The following CAMK1D variants were observed in gnomAD, a reference collection of about 807,000 sequenced individuals.
CAMK1D encodes calcium/calmodulin-dependent protein kinase type 1D.
CAMK1D carries 9 observed loss-of-function variants against 47.7 expected under a neutral mutation model. The observed-to-expected ratio is 0.19, with a 90% CI of 0.11 to 0.33. The LOEUF is 0.33. CAMK1D is among the 10% of genes least tolerant of loss of function. The pLI, the probability that CAMK1D is intolerant of heterozygous loss-of-function variation, is 1.00. For missense variants in CAMK1D, 291 were observed against 488.7 expected (o/e 0.60, Z 3.81); for synonymous variants, 184 against 184.9 (o/e 0.99, Z 0.04).
intron 1 of CAMK1D, among the ~76,000 whole-genome samples, chr10:12,434,214 T>G (rs992086687): frequency 3.3e-5 from 5 of 152,222 alleles, no homozygotes; most frequent in Non-Finnish European, 7.3e-5. Context: ...ATTAAAAAAA[T>G]AAGTCTGTTG....
chr10:12,451,564 G>A (rs1304027374), intron 1 of CAMK1D, among the ~76,000 whole-genome samples: 1 of 152,188 alleles, frequency 6.6e-6, no homozygotes, highest in East Asian at 1.9e-4. Context: ...TTTAGAGGGG[G>A]CGAGAGAAAT....
intron 5 of CAMK1D, among the ~76,000 whole-genome samples, chr10:12,787,379 A>C (rs1456327144): frequency 2.6e-5 from 4 of 152,146 alleles, no homozygotes; most frequent in Non-Finnish European, 2.9e-5. Context: ...TATGTTCCTC[A>C]TTCTAACAGA....
intron 8 of CAMK1D, 70 bp from the exon 9 acceptor site, chr10:12,824,395 C>A: frequency 7.4e-7 from 1 of 1,357,566 alleles, no homozygotes; most frequent in Non-Finnish European, 1.1e-6. Flanking sequence ...AGGTAAGACT[C>A]CCCTTTATGG....
At chr10:12,773,811 A>C (rs1480046056) in intron 5 of CAMK1D, among the ~76,000 whole-genome samples, 1 of 152,206 alleles carries the variant, frequency 6.6e-6, no homozygotes, top group Non-Finnish European at 1.5e-5. Flanking sequence ...AGGCAGGAGA[A>C]TCACTTAAAC....
chr10:12,495,090 C>T (rs12248414), intron 1 of CAMK1D, among the ~76,000 whole-genome samples: 43,009 of 152,064 alleles, frequency 0.28, 6,786 homozygotes, highest in African/African-American at 0.44. Context: ...GAAAGGTGGA[C>T]TGTGAACTTC....
In CAMK1D at chr10:12,514,999, C is replaced by T. The variant is rs556621091; in HGVS notation, c.93-38226C>T. Among the ~76,000 whole-genome samples the T allele has an allele frequency of 5.2e-3, 791 of 151,528 alleles. 4 individuals are homozygous for T. Among genetic ancestry groups the T allele is most frequent in the African/African-American group, 0.019 (764 of 41,270 alleles). ...CTGACTAGCTGGGACTACAGGTGTG[C>T]ACCACCACACCTGGCTAATTTTTTT... On this transcript the variant is annotated intron_variant, in intron 1 of 10. Transcript: ENST00000619168.
intron 1 of CAMK1D, among the ~76,000 whole-genome samples, chr10:12,538,953 A>T (rs1035511020): frequency 2.5e-4 from 38 of 151,950 alleles, no homozygotes; most frequent in African/African-American, 9.2e-4. Flanking sequence ...AGACAAGAGC[A>T]ACAGGCCTTG....
At chr10:12,680,137 G>A (rs1053793359) in intron 3 of CAMK1D, among the ~76,000 whole-genome samples, 1 of 152,240 alleles carries the variant, frequency 6.6e-6, no homozygotes, top group Non-Finnish European at 1.5e-5. Context: ...TGAGGCTAGA[G>A]GTGTAAACTT....
chr10:12,695,065 T>TCG, intron 3 of CAMK1D, among the ~76,000 whole-genome samples: 1 of 134,112 alleles, frequency 7.5e-6, no homozygotes, highest in Non-Finnish European at 1.7e-5. Flanking sequence ...GATAGATAGA[T>TCG]ACATAGGTAG....
Position 12,387,397 on chromosome 10 carries a change from T to TATTTTATATATTATATATA in CAMK1D, c.92+37487_92+37488insATTTTATATATTATATATA, listed in dbSNP as rs199871181. On this transcript the variant is annotated intron_variant, in intron 1 of 10. Coordinates refer to ENST00000619168, the MANE Select transcript of CAMK1D (RefSeq NM_153498.4). ...TATTATATATTATATATATTATATA[T>TATTTTATATATTATATATA]TTTTATATATTATATATATTTTATA... Among the ~76,000 whole-genome samples the TATTTTATATATTATATATA allele has an allele frequency of 4.4e-4, 37 of 83,738 alleles. 1 individual carries two copies. The highest frequency in any genetic ancestry group is 6.6e-4 in the East Asian group (2 of 3,052). The allele number at this position is 83,738 out of a possible 152,430, so 54.9% of individuals were successfully genotyped here.
At chr10:12,765,662 G>A (rs528231755) in intron 4 of CAMK1D, among the ~76,000 whole-genome samples, 4 of 152,278 alleles carry the variant, frequency 2.6e-5, no homozygotes, top group South Asian at 2.1e-4. Context: ...ATTGTCTCAC[G>A]CCAAGGAAAT....
chr10:12,587,375 G>A (rs534065312), intron 2 of CAMK1D, among the ~76,000 whole-genome samples: 1 of 151,990 alleles, frequency 6.6e-6, no homozygotes, highest in Admixed American at 6.6e-5. Context: ...AGCTAAAAAC[G>A]CATTGACTTC....
chr10:12,555,086 G>A (rs1007981973), intron 2 of CAMK1D, among the ~76,000 whole-genome samples: 12 of 152,316 alleles, frequency 7.9e-5, no homozygotes, highest in Admixed American at 5.2e-4. Context: ...TGAAATTTTT[G>A]GGGTTTGGAA....
rs1311598400 is a variant in CAMK1D at position 12,835,329 on chromosome 10, A to C, written c.*6442A>C. 2.0e-5 allele frequency: 3 copies of C among 152,194 alleles called. No individual in the cohort carries two copies. Among genetic ancestry groups the C allele is most frequent in the Non-Finnish European group, 4.4e-5 (3 of 68,028 alleles). The allele number at this position is 152,194 out of a possible 1,614,324, so 9.4% of individuals were successfully genotyped here. On this transcript the variant is annotated 3_prime_UTR_variant, in exon 11 of 11. Transcript: ENST00000619168. ...TTTCCCATAAAAACATGTTTGTCCA[A>C]AAGAAGGGAAACTGTGAATTTATTC...
intron 3 of CAMK1D, among the ~76,000 whole-genome samples, chr10:12,752,308 G>C (rs1261608865): frequency 6.6e-6 from 1 of 152,128 alleles, no homozygotes; most frequent in African/African-American, 2.4e-5. Flanking sequence ...TTATCTAAAT[G>C]CATGTGCCTA....
intron 1 of CAMK1D, among the ~76,000 whole-genome samples, chr10:12,455,554 T>C (rs1287799967): frequency 2.6e-5 from 4 of 152,360 alleles, no homozygotes; most frequent in East Asian, 3.9e-4. Flanking sequence ...ATTGCACTTA[T>C]GTTTTATGAC....
At chr10:12,453,994 G>A (rs1196438280) in intron 1 of CAMK1D, among the ~76,000 whole-genome samples, 1 of 152,164 alleles carries the variant, frequency 6.6e-6, no homozygotes. Flanking sequence ...GCCAGCAGCA[G>A]AGCTCTGGGG....
At chr10:12,465,499 C>T (rs184669461) in intron 1 of CAMK1D, among the ~76,000 whole-genome samples, 40 of 152,216 alleles carry the variant, frequency 2.6e-4, no homozygotes, top group Admixed American at 5.9e-4. Context: ...GGATTACAGG[C>T]GCCCACCACC....
chr10:12,598,029 G>A (rs1207394847), intron 2 of CAMK1D, among the ~76,000 whole-genome samples: 2 of 152,214 alleles, frequency 1.3e-5, no homozygotes, highest in African/African-American at 2.4e-5. Flanking sequence ...TAAGATGGAC[G>A]ATGCCGTGAA....
Sources: allele counts gnomAD v4.1 joint callset (sites outside exome capture counted in the v4.1 genomes callset), GRCh38; gene constraint gnomAD v4.1.1; transcripts MANE v1.5; gene names NCBI Gene and HGNC (gene_info 2026-07-23, HGNC 2026-07-21).